SGK3: variants seen among roughly 807,000 people sequenced by gnomAD.
The protein encoded by SGK3 is serine/threonine-protein kinase Sgk3.
In SGK3, 47 loss-of-function variants were observed where a neutral mutation model predicts 68.5. That is an observed-to-expected ratio of 0.69 (90% CI 0.54 to 0.87). SGK3 has a LOEUF of 0.87. SGK3 is among the 40% of genes least tolerant of loss of function. The pLI is 0.00. For synonymous variants in SGK3, 181 were observed against 189.1 expected, an observed-to-expected ratio of 0.96 and a Z score of 0.35; for missense variants, 479 against 575.5, an observed-to-expected ratio of 0.83 and a Z score of 1.72.
intron 4 of SGK3, among the ~76,000 whole-genome samples, chr8:66,809,485 TATC>T (rs1808295443): frequency 6.6e-6 from 1 of 152,124 alleles, no homozygotes. Context: ...TGAAAGTAAT[TATC>T]ATAGCAGGTT....
At chr8:66,802,053 T>C (rs1807965712) in intron 3 of SGK3, among the ~76,000 whole-genome samples, 1 of 152,246 alleles carries the variant, frequency 6.6e-6, no homozygotes, top group Non-Finnish European at 1.5e-5. Flanking sequence ...GTTCAGTTTT[T>C]ATCATTCATC....
chr8:66,850,602 T>C (rs143985063), intron 15 of SGK3, among the ~76,000 whole-genome samples: 177 of 152,346 alleles, frequency 1.2e-3, no homozygotes, highest in African/African-American at 4.1e-3. Context: ...GGAAACTGAC[T>C]GTGAAGAGAA....
At chr8:66,800,549 G>T (rs1036658469) in intron 3 of SGK3, among the ~76,000 whole-genome samples, 1 of 151,980 alleles carries the variant, frequency 6.6e-6, no homozygotes, top group Non-Finnish European at 1.5e-5. Flanking sequence ...TATGAGGAAA[G>T]TTACACATAT....
At chr8:66,767,616 C>T (rs1464369728) in intron 1 of SGK3, 1 of 1,361,254 alleles carries the variant, frequency 7.3e-7, no homozygotes, top group African/African-American at 1.4e-5. Context: ...GCTCTTCAGG[C>T]AGGTCAAAAC....
intron 7 of SGK3, among the ~76,000 whole-genome samples, chr8:66,829,884 T>C (rs1257867043): frequency 2.0e-5 from 3 of 151,866 alleles, no homozygotes; most frequent in Non-Finnish European, 2.9e-5. Context: ...TTTTTTTTTT[T>C]TTTATTGAGA....
At chr8:66,731,694 C>A (rs950394052) in intron 1 of SGK3, among the ~76,000 whole-genome samples, 2 of 152,106 alleles carry the variant, frequency 1.3e-5, no homozygotes, top group Admixed American at 1.3e-4. Flanking sequence ...GCCACCACAC[C>A]TGGCTAATTT....
intron 6 of SGK3, 126 bp downstream of exon 6, chr8:66,822,585 C>A: frequency 1.2e-6 from 1 of 805,790 alleles, no homozygotes; most frequent in Non-Finnish European, 1.9e-6. Context: ...ATGTAGAACA[C>A]ATAAAAACAA....
intron 3 of SGK3, among the ~76,000 whole-genome samples, chr8:66,801,418 T>A (rs1363719982): frequency 1.3e-5 from 2 of 152,206 alleles, no homozygotes; most frequent in Non-Finnish European, 2.9e-5. Context: ...CATGGAAATA[T>A]CTTTCATAAG....
chr8:66,793,280 A>G (rs531620390), intron 1 of SGK3, among the ~76,000 whole-genome samples: 2 of 152,326 alleles, frequency 1.3e-5, no homozygotes, highest in East Asian at 1.9e-4. Flanking sequence ...TGTTCAGCAC[A>G]CTTGACCAGT....
At chr8:66,752,571 TA>T (rs2130435788) in intron 1 of SGK3, among the ~76,000 whole-genome samples, 1 of 149,068 alleles carries the variant, frequency 6.7e-6, no homozygotes, top group East Asian at 2.0e-4. Context: ...GAGAAAGGAG[TA>T]GGAGTTACCC....
At chr8:66,738,617 C>A (rs1380131001) in intron 1 of SGK3, among the ~76,000 whole-genome samples, 1 of 150,944 alleles carries the variant, frequency 6.6e-6, no homozygotes, top group East Asian at 1.9e-4. Flanking sequence ...GCAGAACTGG[C>A]TCAAGATCCA....
chr8:66,728,242 A>T (rs1805036602), intron 1 of SGK3, among the ~76,000 whole-genome samples: 1 of 152,088 alleles, frequency 6.6e-6, no homozygotes, highest in Admixed American at 6.6e-5. Context: ...TGATCATACA[A>T]TATATGATCT....
chr8:66,835,761 A>G lies in SGK3; in HGVS notation c.526-2A>G, dbSNP rs577620815. On this transcript the variant is annotated splice_acceptor_variant, in intron 8 of 16. Transcript: ENST00000521198. LOFTEE classifies it high-confidence loss of function. ...GTATACACTAATGTTTAACTATAAC[A>G]GGTTCTTCTTGCAAAACGGAAACTG... The G allele has an allele frequency of 6.2e-7, 1 of 1,610,316 alleles. No individual in the cohort carries two copies.
At chr8:66,774,429 C>T (rs571208236) in intron 1 of SGK3, among the ~76,000 whole-genome samples, 1 of 152,186 alleles carries the variant, frequency 6.6e-6, no homozygotes, top group South Asian at 2.1e-4. Flanking sequence ...CATGGAGTAG[C>T]TGGGACTGTA....
intron 4 of SGK3, 141 bp from the exon 5 acceptor site, chr8:66,813,712 T>G (rs1458511690): frequency 7.1e-6 from 3 of 422,072 alleles, no homozygotes; most frequent in Non-Finnish European, 7.9e-6. Context: ...AAGTATGTAT[T>G]CCTTGTGTGA....
chr8:66,739,013 TC>T (rs1221546547), intron 1 of SGK3, among the ~76,000 whole-genome samples: 1 of 152,162 alleles, frequency 6.6e-6, no homozygotes, highest in Non-Finnish European at 1.5e-5. Flanking sequence ...TGCTTGCCTT[TC>T]CCCTGTGTTC....
At chr8:66,720,832 G>C (rs1485119055) in intron 1 of SGK3, among the ~76,000 whole-genome samples, 1 of 151,328 alleles carries the variant, frequency 6.6e-6, no homozygotes, top group Non-Finnish European at 1.5e-5. Context: ...TGTGGCCCCA[G>C]CTACTGGGAA....
At chr8:66,792,211 T>C (rs56100064) in intron 1 of SGK3, among the ~76,000 whole-genome samples, 8,252 of 151,300 alleles carry the variant, frequency 0.055, 311 homozygotes, top group African/African-American at 0.11. Context: ...TGCCCGTAAT[T>C]CCAGCTACTT....
rs538192084 is a variant in SGK3, at chr8:66,791,797, G to A, written c.-121-1819G>A. Among the ~76,000 whole-genome samples, 215 of 152,284 alleles carry A rather than the reference G, an allele frequency of 1.4e-3. 1 individual carries two copies. The highest frequency in any genetic ancestry group is 0.013 in the Admixed American group (204 of 15,296). On this transcript the variant is annotated intron_variant, in intron 1 of 16. Coordinates refer to ENST00000521198, the MANE Select transcript of SGK3 (RefSeq NM_001033578.3). The stretch of plus-strand genomic sequence containing the variant: ...GTTAATGTGGCTTCTGAGGTTCCAG[G>A]ACAGGGCCAGTCTGCCTTAGAAGTA...
Sources: gnomAD v4.1 joint callset for allele counts (sites outside exome capture counted in the v4.1 genomes callset) on GRCh38, gnomAD v4.1.1 for gene constraint, MANE v1.5 for transcripts, NCBI Gene and HGNC (gene_info 2026-07-23, HGNC 2026-07-21) for gene names.